Variants in EEF2K observed in about 807,000 individuals in gnomAD.
EEF2K encodes eukaryotic elongation factor 2 kinase.
Under a neutral mutation model 93.8 loss-of-function variants are expected in EEF2K, and 70 were observed. The observed-to-expected ratio is 0.75, with a 90% CI of 0.62 to 0.91. The LOEUF is 0.91. Among genes scored for constraint, EEF2K ranks in the 40% least tolerant of loss-of-function variants. The pLI, the probability that EEF2K is intolerant of heterozygous loss-of-function variation, is 0.00. For missense variants in EEF2K, 935 were observed against 972.9 expected (o/e 0.96, Z 0.52); for synonymous variants, 376 against 380.8 (o/e 0.99, Z 0.15).
intron 1 of EEF2K, among the ~76,000 whole-genome samples, chr16:22,207,142 T>C (rs2046871252): frequency 1.3e-5 from 2 of 152,170 alleles, no homozygotes. Flanking sequence ...CATTGTTGGC[T>C]GCGGGAGTTT....
At chr16:22,224,776 A>G (rs1273166613) in intron 1 of EEF2K, among the ~76,000 whole-genome samples, 1 of 152,194 alleles carries the variant, frequency 6.6e-6, no homozygotes, top group Non-Finnish European at 1.5e-5. Context: ...AACATGGTGA[A>G]ATGCCATCTC....
At chr16:22,248,133 C>T (rs1219470483) in intron 3 of EEF2K, among the ~76,000 whole-genome samples, 1 of 152,016 alleles carries the variant, frequency 6.6e-6, no homozygotes, top group African/African-American at 2.4e-5. Flanking sequence ...GGTGCAATCT[C>T]GGCTCACTGT....
chr16:22,213,552 A>G (rs897874270), intron 1 of EEF2K, among the ~76,000 whole-genome samples: 1 of 152,166 alleles, frequency 6.6e-6, no homozygotes, highest in Non-Finnish European at 1.5e-5. Context: ...TTAGTTTCCA[A>G]TTGCTGCTGT....
intron 4 of EEF2K, among the ~76,000 whole-genome samples, chr16:22,249,743 G>T (rs1355772801): frequency 6.6e-6 from 1 of 151,954 alleles, no homozygotes; most frequent in Non-Finnish European, 1.5e-5. Flanking sequence ...GAGTAGCTCA[G>T]ACTACAGGGG....
At chr16:22,232,675 A>G (rs897737798) in intron 2 of EEF2K, among the ~76,000 whole-genome samples, 3 of 152,136 alleles carry the variant, frequency 2.0e-5, no homozygotes, top group Non-Finnish European at 4.4e-5. Flanking sequence ...GTTGTGTCTG[A>G]TGCGACCTCC....
chr16:22,215,800 C>T (rs1166593934), intron 1 of EEF2K, among the ~76,000 whole-genome samples: 1 of 152,148 alleles, frequency 6.6e-6, no homozygotes, highest in Non-Finnish European at 1.5e-5. Context: ...TGGCGGGTGC[C>T]TGTAATCCCA....
intron 2 of EEF2K, among the ~76,000 whole-genome samples, chr16:22,244,269 TTGTGTGTGTGTGTG>T (rs200282636): frequency 5.0e-4 from 70 of 140,134 alleles, no homozygotes; most frequent in African/African-American, 1.5e-3. Flanking sequence ...TATATATGTA[TTGTGTGTGTGTGTG>T]TGTGTGTGTG....
At chr16:22,234,612 T>G (rs1257892072) in intron 2 of EEF2K, among the ~76,000 whole-genome samples, 2 of 151,980 alleles carry the variant, frequency 1.3e-5, no homozygotes, top group African/African-American at 2.4e-5. Flanking sequence ...CCATTTAAAA[T>G]GTACTATTCA....
chr16:22,243,355 G>T (rs2047245177), intron 2 of EEF2K, among the ~76,000 whole-genome samples: 3 of 150,274 alleles, frequency 2.0e-5, no homozygotes. Context: ...GGGTTCAAGC[G>T]ATTCTCCTCT....
At chr16:22,255,519 C>T (rs1475029957) in intron 6 of EEF2K, among the ~76,000 whole-genome samples, 2 of 152,216 alleles carry the variant, frequency 1.3e-5, no homozygotes, top group Admixed American at 6.5e-5. Context: ...TGGCTGGGCA[C>T]AGTCATGTGG....
At chr16:22,238,763 C>G (rs2047193611) in intron 2 of EEF2K, among the ~76,000 whole-genome samples, 1 of 151,596 alleles carries the variant, frequency 6.6e-6, no homozygotes, top group South Asian at 2.1e-4. Context: ...GAAGTCGGTG[C>G]AGAAGAAGGT....
At chr16:22,274,896 GCC>G (rs2047619894) in intron 16 of EEF2K, among the ~76,000 whole-genome samples, 1 of 152,122 alleles carries the variant, frequency 6.6e-6, no homozygotes, top group African/African-American at 2.4e-5. Flanking sequence ...GAGCCACCAC[GCC>G]TGACTAGGGC....
chr16:22,229,694 C>T (rs1039362874), intron 2 of EEF2K, among the ~76,000 whole-genome samples: 4 of 152,014 alleles, frequency 2.6e-5, no homozygotes, highest in African/African-American at 9.7e-5. Flanking sequence ...GAGCGAGACT[C>T]CATCTCAAAA....
At chr16:22,219,368 C>T (rs1268450129) in intron 1 of EEF2K, among the ~76,000 whole-genome samples, 1 of 152,194 alleles carries the variant, frequency 6.6e-6, no homozygotes, top group East Asian at 1.9e-4. Flanking sequence ...CAGTGGCTCA[C>T]GCCTGTCATC....
At chr16:22,234,915 CTG>C (rs1418103432) in intron 2 of EEF2K, among the ~76,000 whole-genome samples, 3 of 114,792 alleles carry the variant, frequency 2.6e-5, no homozygotes, top group Non-Finnish European at 5.0e-5. Context: ...CGGTTTCACT[CTG>C]TTGCCCCTGC....
chr16:22,234,854 G>C (rs2047151082), intron 2 of EEF2K, among the ~76,000 whole-genome samples: 1 of 137,884 alleles, frequency 7.3e-6, no homozygotes, highest in African/African-American at 2.7e-5. Flanking sequence ...GGCTTCTTTT[G>C]CTAAGCATAA....
intron 1 of EEF2K, among the ~76,000 whole-genome samples, chr16:22,207,107 G>A (rs2046870742): frequency 6.6e-6 from 1 of 152,224 alleles, no homozygotes; most frequent in Non-Finnish European, 1.5e-5. Context: ...GGAACCTCCA[G>A]GACTGTATAG....
chr16:22,220,440 G>A (rs570313664), intron 1 of EEF2K, among the ~76,000 whole-genome samples: 3 of 132,122 alleles, frequency 2.3e-5, no homozygotes, highest in Non-Finnish European at 4.8e-5. Flanking sequence ...GAATCTGAGC[G>A]TGCTTTTTTT....
chr16:22,257,455 C>G (rs2047414318), intron 8 of EEF2K, 70 bp downstream of exon 8: 1 of 1,586,552 alleles, frequency 6.3e-7, no homozygotes, highest in South Asian at 1.2e-5. Flanking sequence ...GTTCTTCGTA[C>G]AGCCAAGGAA....
Sources: allele counts gnomAD v4.1 joint callset (sites outside exome capture counted in the v4.1 genomes callset), GRCh38; gene constraint gnomAD v4.1.1; transcripts MANE v1.5; gene names NCBI Gene and HGNC (gene_info 2026-07-23, HGNC 2026-07-21).